LRRC4C: variants seen among roughly 807,000 people sequenced by gnomAD.
LRRC4C encodes the protein leucine rich repeat containing 4C.
LRRC4C carries 5 observed loss-of-function variants against 33.6 expected under a neutral mutation model. The observed-to-expected ratio is 0.15, with a 90% CI of 0.08 to 0.31. The LOEUF (loss-of-function observed/expected upper bound fraction) is 0.31, where lower values mean the gene tolerates loss of function less well. LRRC4C is among the 10% of genes least tolerant of loss of function. The probability of loss-of-function intolerance (pLI) is 1.00; values close to 1 mark genes in which losing one functional copy is unlikely to be tolerated. For missense variants in LRRC4C, 560 were observed against 796.7 expected (o/e 0.70, Z 3.58); for synonymous variants, 329 against 302.0 (o/e 1.09, Z -0.93).
intron 2 of LRRC4C, among the ~76,000 whole-genome samples, chr11:40,791,084 G>A (rs1056751099): frequency 6.6e-6 from 1 of 152,082 alleles, no homozygotes; most frequent in African/African-American, 2.4e-5. Flanking sequence ...TGTTTTTTGT[G>A]TTCCAGATAA....
In LRRC4C at chr11:41,394,885, G is replaced by T. The variant is rs533668764; in HGVS notation, c.-496+64546C>A. On this transcript the variant is annotated intron_variant, in intron 1 of 6. Transcript: ENST00000528697. ...ATTTAGTCACTTAATAGAGAAAAGG[G>T]AAAGATAGAAAAATAAAAATGCTAT... The T allele has an allele frequency of 7.9e-4, 120 of 152,058 alleles. 1 individual carries two copies. The highest frequency in any genetic ancestry group is 2.9e-3 in the African/African-American group (119 of 41,532). The allele number at this position is 152,058 out of a possible 1,614,324, so 9.4% of individuals were successfully genotyped here.
chr11:40,684,576 GA>G (rs1438415147), intron 2 of LRRC4C, among the ~76,000 whole-genome samples: 1 of 151,816 alleles, frequency 6.6e-6, no homozygotes, highest in African/African-American at 2.4e-5. Flanking sequence ...AGAGTTGAAG[GA>G]TTTTTTTTAG....
intron 1 of LRRC4C, among the ~76,000 whole-genome samples, chr11:41,164,155 T>TGC (rs1944610166): frequency 2.0e-5 from 3 of 151,380 alleles, no homozygotes; most frequent in Non-Finnish European, 4.4e-5. Flanking sequence ...TTTATTTAAA[T>TGC]CCTTATTACA....
chr11:41,197,626 AT>A (rs1189412095), intron 1 of LRRC4C, among the ~76,000 whole-genome samples: 1 of 151,886 alleles, frequency 6.6e-6, no homozygotes, highest in South Asian at 2.1e-4. Context: ...GACAGATGGA[AT>A]TTTTTTTCAT....
intron 5 of LRRC4C, among the ~76,000 whole-genome samples, chr11:40,171,985 C>T (rs1393795008): frequency 6.6e-6 from 1 of 152,094 alleles, no homozygotes; most frequent in African/African-American, 2.4e-5. Context: ...CCACTGCACT[C>T]CGGCCTGGGC....
intron 1 of LRRC4C, among the ~76,000 whole-genome samples, chr11:41,123,269 T>G (rs1193720684): frequency 1.2e-5 from 1 of 82,996 alleles, no homozygotes; most frequent in East Asian, 5.6e-4. Context: ...TTGTTTTTTT[T>G]TTTTTTTTTT....
chr11:41,410,149 G>A (rs1308329625), intron 1 of LRRC4C, among the ~76,000 whole-genome samples: 2 of 152,300 alleles, frequency 1.3e-5, no homozygotes, highest in South Asian at 4.1e-4. Context: ...CTTGGACCCA[G>A]TAGACAGTCG....
intron 1 of LRRC4C, among the ~76,000 whole-genome samples, chr11:40,936,339 T>TC (rs1424812690): frequency 1.4e-5 from 2 of 140,282 alleles, no homozygotes; most frequent in East Asian, 4.1e-4. Flanking sequence ...AACACTTGTT[T>TC]TTTTTTTTTT....
intron 3 of LRRC4C, among the ~76,000 whole-genome samples, chr11:40,452,097 A>C (rs1258674358): frequency 6.6e-6 from 1 of 152,130 alleles, no homozygotes; most frequent in Non-Finnish European, 1.5e-5. Flanking sequence ...CTCCCACCCC[A>C]AAACCCCATC....
intron 1 of LRRC4C, among the ~76,000 whole-genome samples, chr11:40,986,224 G>A (rs1001140358): frequency 6.6e-6 from 1 of 152,234 alleles, no homozygotes; most frequent in Admixed American, 6.5e-5. Flanking sequence ...CACTGTGATT[G>A]GTGGAGTGGG....
chr11:40,864,121 T>C (rs186915074), intron 2 of LRRC4C, among the ~76,000 whole-genome samples: 15 of 152,260 alleles, frequency 9.9e-5, no homozygotes, highest in Admixed American at 8.5e-4. Flanking sequence ...CAGGCTAGAG[T>C]GCAGTGGCAT....
At chr11:40,801,086 T>G in intron 2 of LRRC4C, among the ~76,000 whole-genome samples, 1 of 143,950 alleles carries the variant, frequency 6.9e-6, no homozygotes, top group Admixed American at 6.7e-5. Context: ...GACTAAGTTC[T>G]TCCTGATTTC....
intron 1 of LRRC4C, among the ~76,000 whole-genome samples, chr11:41,334,337 C>T (rs1346879692): frequency 2.0e-5 from 3 of 152,168 alleles, no homozygotes; most frequent in African/African-American, 7.2e-5. Context: ...CTATTCCAGT[C>T]AGTGTTTTTT....
chr11:40,944,020 T>A (rs757993999), intron 1 of LRRC4C, among the ~76,000 whole-genome samples: 22 of 152,216 alleles, frequency 1.4e-4, no homozygotes, highest in South Asian at 6.2e-4. Context: ...TATTTTAAGG[T>A]TGTCCTAAAT....
chr11:40,798,735 C>T (rs1950928774), intron 2 of LRRC4C, among the ~76,000 whole-genome samples: 1 of 151,224 alleles, frequency 6.6e-6, no homozygotes. Flanking sequence ...CCTCTGCCTA[C>T]TGGGTTCAAG....
intron 1 of LRRC4C, among the ~76,000 whole-genome samples, chr11:40,998,894 A>G (rs983304861): frequency 6.6e-6 from 1 of 152,130 alleles, no homozygotes; most frequent in African/African-American, 2.4e-5. Context: ...AAATGATTTG[A>G]AGAGATACTT....
intron 1 of LRRC4C, among the ~76,000 whole-genome samples, chr11:40,975,102 ATATATC>A (rs1811674840): frequency 6.6e-6 from 1 of 152,246 alleles, no homozygotes; most frequent in Non-Finnish European, 1.5e-5. Context: ...GTTCTCTTTC[ATATATC>A]TATATCTATA....
chr11:40,362,956 G>A (rs910121766), intron 3 of LRRC4C, among the ~76,000 whole-genome samples: 3 of 152,134 alleles, frequency 2.0e-5, no homozygotes, highest in Non-Finnish European at 4.4e-5. Context: ...ACACTTACAC[G>A]CTGTTGGTGG....
rs776796489 is a variant in LRRC4C, at chr11:40,842,857, C to A, written c.-407+90778G>T. On this transcript the variant is annotated intron_variant, in intron 2 of 6. Coordinates refer to ENST00000528697, the MANE Select transcript of LRRC4C (RefSeq NM_001258419.2). ...TGTCCCACCTAAACAACTGATTCTA[C>A]AACTCTGTGGTGTTTTCATTCACCA... 1.6e-4 allele frequency among the ~76,000 whole-genome samples: 24 copies of A among 152,308 alleles called. No homozygotes were observed. The East Asian group carries it at 4.6e-3, about 29-fold the overall frequency.
Sources: allele counts gnomAD v4.1 joint callset (sites outside exome capture counted in the v4.1 genomes callset), GRCh38; gene constraint gnomAD v4.1.1; transcripts MANE v1.5; gene names NCBI Gene and HGNC (gene_info 2026-07-23, HGNC 2026-07-21).